Variants in MAPKAP1 observed in about 807,000 individuals in gnomAD.
MAPKAP1 encodes the protein target of rapamycin complex 2 subunit MAPKAP1.
A neutral mutation model predicts 65.7 loss-of-function variants in MAPKAP1; 20 were observed. The observed-to-expected ratio is 0.30, with a 90% CI of 0.21 to 0.44. The LOEUF (loss-of-function observed/expected upper bound fraction) is 0.44. Among genes scored for constraint, MAPKAP1 ranks in the 20% least tolerant of loss-of-function variants. The pLI, the probability that MAPKAP1 is intolerant of heterozygous loss-of-function variation, is 1.00. For missense variants in MAPKAP1, 423 were observed against 648.0 expected, an observed-to-expected ratio of 0.65 and a Z score of 3.77; for synonymous variants, 222 against 244.3, an observed-to-expected ratio of 0.91 and a Z score of 0.85.
intron 5 of MAPKAP1, among the ~76,000 whole-genome samples, chr9:125,560,345 G>C (rs1224622434): frequency 6.6e-6 from 1 of 152,122 alleles, no homozygotes; most frequent in Non-Finnish European, 1.5e-5. Flanking sequence ...CAGCACTTTG[G>C]GAGGCTGAGG....
At chr9:125,502,936 A>G (rs940273980) in intron 8 of MAPKAP1, among the ~76,000 whole-genome samples, 1 of 86,128 alleles carries the variant, frequency 1.2e-5, no homozygotes, top group Non-Finnish European at 2.6e-5. Context: ...TCAGTTTTGT[A>G]TTATATATTT....
At chr9:125,599,032 C>CA (rs377191673) in intron 4 of MAPKAP1, among the ~76,000 whole-genome samples, 1,883 of 70,802 alleles carry the variant, frequency 0.027, 29 homozygotes, top group African/African-American at 0.075. Flanking sequence ...AACTCCGTCT[C>CA]AAAAAAAAAA....
At chr9:125,628,305 G>C (rs1279740499) in intron 4 of MAPKAP1, among the ~76,000 whole-genome samples, 1 of 152,180 alleles carries the variant, frequency 6.6e-6, no homozygotes, top group Admixed American at 6.5e-5. Context: ...GAATGGGCAA[G>C]AAGACAGGGC....
At chr9:125,650,015 A>C (rs1051376569) in intron 4 of MAPKAP1, among the ~76,000 whole-genome samples, 3 of 152,086 alleles carry the variant, frequency 2.0e-5, no homozygotes, top group Non-Finnish European at 4.4e-5. Context: ...CAGCTCCACA[A>C]GCCGGACACG....
At chr9:125,475,283 C>T (rs1000727913) in intron 9 of MAPKAP1, among the ~76,000 whole-genome samples, 1 of 152,208 alleles carries the variant, frequency 6.6e-6, no homozygotes, top group Non-Finnish European at 1.5e-5. Flanking sequence ...TGATCAAATG[C>T]ATTACAATAA....
At chr9:125,563,237 TC>T (rs758026689) in intron 5 of MAPKAP1, among the ~76,000 whole-genome samples, 3 of 152,142 alleles carry the variant, frequency 2.0e-5, no homozygotes, top group Non-Finnish European at 2.9e-5. Flanking sequence ...GCAGCTCTGG[TC>T]CCTGCCTCAG....
chr9:125,518,725 A>C (rs1354935599), intron 7 of MAPKAP1, among the ~76,000 whole-genome samples: 3 of 152,222 alleles, frequency 2.0e-5, no homozygotes, highest in Non-Finnish European at 4.4e-5. Context: ...ATACATTATT[A>C]AATTTATAAG....
At chr9:125,518,484 G>A (rs1277387228) in intron 7 of MAPKAP1, among the ~76,000 whole-genome samples, 1 of 152,040 alleles carries the variant, frequency 6.6e-6, no homozygotes, top group Non-Finnish European at 1.5e-5. Context: ...CGAGACCAGT[G>A]AAACCTCGTC....
chr9:125,683,098 G>C (rs1834872366), intron 1 of MAPKAP1, among the ~76,000 whole-genome samples: 2 of 151,858 alleles, frequency 1.3e-5, no homozygotes, highest in African/African-American at 4.8e-5. Flanking sequence ...TGAGATTATA[G>C]GTGCCCGCCA....
At chr9:125,701,306 A>G (rs77955225) in intron 1 of MAPKAP1, among the ~76,000 whole-genome samples, 2,989 of 152,350 alleles carry the variant, frequency 0.02, 161 homozygotes, top group East Asian at 0.15. Context: ...TAATAAAAGT[A>G]TATTAGTAAA....
chr9:125,610,118 C>T (rs1050831290), intron 4 of MAPKAP1, among the ~76,000 whole-genome samples: 4 of 152,208 alleles, frequency 2.6e-5, no homozygotes, highest in African/African-American at 9.6e-5. Context: ...TTTGAAAAAA[C>T]ATCTTCTTAC....
intron 4 of MAPKAP1, among the ~76,000 whole-genome samples, chr9:125,630,599 G>A (rs1038347321): frequency 6.6e-6 from 1 of 152,166 alleles, no homozygotes; most frequent in Non-Finnish European, 1.5e-5. Context: ...GTATGTCAAT[G>A]CAAGTCTAGG....
intron 8 of MAPKAP1, among the ~76,000 whole-genome samples, chr9:125,505,424 CA>C (rs34967100): frequency 1.4e-5 from 2 of 145,694 alleles, no homozygotes; most frequent in African/African-American, 5.1e-5. Context: ...GACTCCGTCT[CA>C]AAAAAAAAAG....
intron 4 of MAPKAP1, among the ~76,000 whole-genome samples, chr9:125,645,629 T>C (rs1252713624): frequency 6.0e-5 from 9 of 150,124 alleles, no homozygotes; most frequent in Non-Finnish European, 1.3e-4. Context: ...CCCAGCTACT[T>C]GGGAGGCTGA....
intron 10 of MAPKAP1, among the ~76,000 whole-genome samples, chr9:125,458,321 G>C (rs1853279730): frequency 6.6e-6 from 1 of 150,718 alleles, no homozygotes; most frequent in Admixed American, 6.6e-5. Context: ...AGATTAATAA[G>C]TGAACAAAGG....
chr9:125,476,680 G>C (rs375302352), intron 9 of MAPKAP1, among the ~76,000 whole-genome samples: 1 of 152,100 alleles, frequency 6.6e-6, no homozygotes, highest in South Asian at 2.1e-4. Context: ...TGCTGTTACC[G>C]TGTTTCTTAA....
intron 1 of MAPKAP1, among the ~76,000 whole-genome samples, chr9:125,698,284 TATAA>T (rs1835456175): frequency 3.1e-4 from 8 of 25,910 alleles, no homozygotes; most frequent in Admixed American, 1.2e-3. Flanking sequence ...ACATAATATA[TATAA>T]ATATATATAT....
chr9:125,591,026 G>T (rs1043485113), intron 4 of MAPKAP1, among the ~76,000 whole-genome samples: 3 of 152,048 alleles, frequency 2.0e-5, no homozygotes, highest in Non-Finnish European at 4.4e-5. Flanking sequence ...CGCCCACCTC[G>T]GCCTCCCAAA....
At chr9:125,698,288 A>AAATATATATAT (rs1256292184) in intron 1 of MAPKAP1, among the ~76,000 whole-genome samples, 1 of 49,068 alleles carries the variant, frequency 2.0e-5, no homozygotes, top group African/African-American at 1.1e-4. Context: ...AATATATATA[A>AAATATATATAT]ATATATATAT....
Sources: allele counts gnomAD v4.1 joint callset (sites outside exome capture counted in the v4.1 genomes callset), GRCh38; gene constraint gnomAD v4.1.1; transcripts MANE v1.5; gene names NCBI Gene and HGNC (gene_info 2026-07-23, HGNC 2026-07-21).